RCOR1: variants seen among roughly 807,000 people sequenced by gnomAD.
RCOR1 encodes the protein REST corepressor 1, also known as REST corepressor.
In RCOR1, 12 loss-of-function variants were observed where a neutral mutation model predicts 64.0. The observed-to-expected ratio is 0.19, with a 90% confidence interval of 0.12 to 0.30. The LOEUF is 0.30. RCOR1 is among the 10% of genes least tolerant of loss of function. The probability of loss-of-function intolerance (pLI) is 1.00; values close to 1 mark genes in which losing one functional copy is unlikely to be tolerated. For missense variants in RCOR1, 502 were observed against 621.2 expected (o/e 0.81, Z 2.04); for synonymous variants, 279 against 227.2 (o/e 1.23, Z -2.05).
At chr14:102,681,787 G>T in intron 2 of RCOR1, 108 bp from the exon 3 acceptor site, 2 of 755,216 alleles carry the variant, frequency 2.6e-6, no homozygotes, top group Non-Finnish European at 4.4e-6. Flanking sequence ...GGCCCATTGG[G>T]CCAGATACAG....
chr14:102,683,847 G>T lies in RCOR1; in HGVS notation c.445+1869G>T, dbSNP rs553556252. On this transcript the variant is annotated intron_variant, in intron 3 of 11. Transcript: ENST00000262241. The stretch of plus-strand genomic sequence containing the variant: ...TGCTGGGCCTCAAGTTCATCCCGGG[G>T]CACCCGGCCTGCTCCCCATACACCA... 2.0e-5 allele frequency among the ~76,000 whole-genome samples: 3 copies of T among 152,330 alleles called. No homozygotes were observed. The East Asian group carries it at 5.8e-4, about 29-fold the overall frequency.
intron 2 of RCOR1, among the ~76,000 whole-genome samples, chr14:102,621,050 A>G (rs1399428768): frequency 6.6e-6 from 1 of 152,204 alleles, no homozygotes; most frequent in East Asian, 1.9e-4. Context: ...GGTCACTGCA[A>G]CCTGCATTTC....
Position 102,601,188 on chromosome 14 carries a change from C to CA in RCOR1, c.361+7873dup, listed in dbSNP as rs553481539. On this transcript the variant is annotated intron_variant, in intron 2 of 11. Transcript: ENST00000262241. ...TAGGTGACAAAGTGAGACTCTGTCT[C>CA]AAAAAAAAAAGACGGGGTTTCACTA... Among the ~76,000 whole-genome samples, 18 of 145,430 alleles carry CA rather than the reference C, an allele frequency of 1.2e-4. No individual in the cohort carries two copies. In the East Asian group the frequency reaches 1.3e-3, roughly 10 times the overall value.
rs3837593 is a variant in RCOR1, at chr14:102,593,825, CAGAAGGCG to C, written c.361+503_361+510del. On this transcript the variant is annotated intron_variant, in intron 2 of 11. Transcript: ENST00000262241. ...GCTGGCTCCTGACTGCCCTCCCATC[CAGAAGGCG>C]AGTAGAAGAACGACCCCCCAAAACC... Among the ~76,000 whole-genome samples the C allele has an allele frequency of 4.6e-4, 70 of 152,300 alleles. 1 individual carries two copies. In the East Asian group the frequency reaches 0.012, roughly 26 times the overall value.
intron 2 of RCOR1, among the ~76,000 whole-genome samples, chr14:102,617,972 CTTTTTTTTTTTT>C (rs71305077): frequency 8.2e-6 from 1 of 122,528 alleles, no homozygotes; most frequent in Non-Finnish European, 1.7e-5. Flanking sequence ...TTTTTTTTTT[CTTTTTTTTTTTT>C]TTTTGTGAGA....
chr14:102,636,261 A>C (rs10400790), intron 2 of RCOR1, among the ~76,000 whole-genome samples: 1 of 151,200 alleles, frequency 6.6e-6, no homozygotes, highest in African/African-American at 2.4e-5. Flanking sequence ...TCTAAAAAAA[A>C]TTTTTTTTAA....
intron 2 of RCOR1, among the ~76,000 whole-genome samples, chr14:102,651,558 AAAAAAAG>A (rs1314853691): frequency 3.3e-5 from 5 of 152,082 alleles, no homozygotes. Flanking sequence ...ATCTCAAAAA[AAAAAAAG>A]AAAAAGAAAA....
At chr14:102,626,658 T>C (rs1203165158) in intron 2 of RCOR1, among the ~76,000 whole-genome samples, 1 of 152,142 alleles carries the variant, frequency 6.6e-6, no homozygotes, top group Admixed American at 6.6e-5. Flanking sequence ...TGATTTGGGG[T>C]AACAGGGCTT....
At chr14:102,705,175 G>A (rs1305764076) in intron 4 of RCOR1, among the ~76,000 whole-genome samples, 1 of 151,956 alleles carries the variant, frequency 6.6e-6, no homozygotes, top group Non-Finnish European at 1.5e-5. Flanking sequence ...ACACCAATAT[G>A]GGATAAGCTC....
intron 2 of RCOR1, among the ~76,000 whole-genome samples, chr14:102,681,253 C>G (rs1895296474): frequency 6.6e-6 from 1 of 152,108 alleles, no homozygotes; most frequent in Non-Finnish European, 1.5e-5. Context: ...ATGAATAAGT[C>G]TGGGCCTAAC....
At chr14:102,720,679 G>T (rs772342218) in intron 8 of RCOR1, among the ~76,000 whole-genome samples, 2 of 152,176 alleles carry the variant, frequency 1.3e-5, no homozygotes, top group Non-Finnish European at 2.9e-5. Flanking sequence ...TAAGCCCAGG[G>T]ATTTCTTCTG....
rs146457113 is a variant in RCOR1, at chr14:102,620,833, T to C, written c.361+27508T>C. Among the ~76,000 whole-genome samples, 149 of 152,194 alleles carry C rather than the reference T, an allele frequency of 9.8e-4. No homozygotes were observed. The East Asian group carries it at 0.025, about 25-fold the overall frequency. ...TCACCGTGGTCCCCTCCTTTTTTGC[T>C]GCTCCATTACTCTTTCTTTATCTCC... On this transcript the variant is annotated intron_variant, in intron 2 of 11. Transcript: ENST00000262241.
chr14:102,621,146 A>AT (rs959946008), intron 2 of RCOR1, among the ~76,000 whole-genome samples: 4 of 152,044 alleles, frequency 2.6e-5, no homozygotes, highest in Admixed American at 6.6e-5. Context: ...GTTTTTTAGA[A>AT]TTTTTTGTAG....
chr14:102,653,983 CTTTTTTT>C (rs1160437928), intron 2 of RCOR1, among the ~76,000 whole-genome samples: 5 of 33,172 alleles, frequency 1.5e-4, no homozygotes, highest in Non-Finnish European at 2.5e-4. Flanking sequence ...TTCTTTCTTT[CTTTTTTT>C]TTTTTTTTTT....
intron 2 of RCOR1, among the ~76,000 whole-genome samples, chr14:102,675,988 T>A (rs963008119): frequency 3.3e-5 from 5 of 152,160 alleles, no homozygotes; most frequent in Non-Finnish European, 7.3e-5. Context: ...GTACTACAGT[T>A]GGTTTATCCA....
chr14:102,702,485 C>T (rs1027869366), intron 4 of RCOR1, among the ~76,000 whole-genome samples: 9 of 149,432 alleles, frequency 6.0e-5, no homozygotes, highest in Non-Finnish European at 1.2e-4. Flanking sequence ...ATATATATAA[C>T]ATATAAATAT....
At chr14:102,683,697 C>CT (rs1895351289) in intron 3 of RCOR1, among the ~76,000 whole-genome samples, 1 of 152,258 alleles carries the variant, frequency 6.6e-6, no homozygotes, top group Non-Finnish European at 1.5e-5. Context: ...CCCCGCTGAC[C>CT]TGGAGATGGC....
chr14:102,721,585 A>T (rs533374093), intron 10 of RCOR1: 1 of 385,888 alleles, frequency 2.6e-6, no homozygotes, highest in Non-Finnish European at 4.6e-6. Context: ...ATGGAAAAAA[A>T]AGAGCTTAGG....
At chr14:102,667,640 G>C (rs894180774) in intron 2 of RCOR1, among the ~76,000 whole-genome samples, 1 of 152,194 alleles carries the variant, frequency 6.6e-6, no homozygotes, top group Non-Finnish European at 1.5e-5. Context: ...GAGAAACCAT[G>C]AAGTTGGAAA....
Sources: gnomAD v4.1 joint callset for allele counts (sites outside exome capture counted in the v4.1 genomes callset) on GRCh38, gnomAD v4.1.1 for gene constraint, MANE v1.5 for transcripts, NCBI Gene and HGNC (gene_info 2026-07-23, HGNC 2026-07-21) for gene names.